NFKB1: variants seen among roughly 807,000 people sequenced by gnomAD.
The protein encoded by NFKB1 is nuclear factor NF-kappa-B p105 subunit.
NFKB1 carries 9 observed loss-of-function variants against 105.1 expected under a neutral mutation model. The observed-to-expected ratio is 0.09, with a 90% CI of 0.05 to 0.15. The LOEUF (loss-of-function observed/expected upper bound fraction) is 0.15. NFKB1 is among the 10% of genes least tolerant of loss of function. NFKB1 has a pLI of 1.00. For missense variants in NFKB1, 830 were observed against 1,203.7 expected (o/e 0.69, Z 4.59); for synonymous variants, 440 against 442.2 (o/e 1.00, Z 0.06).
intron 4 of NFKB1, among the ~76,000 whole-genome samples, chr4:102,534,404 T>C (rs1205020761): frequency 6.6e-6 from 1 of 152,174 alleles, no homozygotes; most frequent in Admixed American, 6.6e-5. Flanking sequence ...GAATGAACTA[T>C]TGAATTCTCT....
chr4:102,551,021 GATCA>G (rs1278979087), intron 5 of NFKB1, among the ~76,000 whole-genome samples: 1 of 152,150 alleles, frequency 6.6e-6, no homozygotes, highest in African/African-American at 2.4e-5. Flanking sequence ...AAACCAAAGG[GATCA>G]ATCAGAGCCT....
At chr4:102,502,369 C>A (rs1294170456) in intron 1 of NFKB1, among the ~76,000 whole-genome samples, 3 of 133,354 alleles carry the variant, frequency 2.2e-5, no homozygotes, top group Non-Finnish European at 3.1e-5. Flanking sequence ...CCCCTCCCCC[C>A]CTCCGTGCGC....
chr4:102,525,550 C>T lies in NFKB1; in HGVS notation c.32C>T (p.Pro11Leu). The stretch of plus-strand genomic sequence containing the variant: ...GAAGATGATCCATATTTGGGAAGGC[C>T]TGAACAAGTAAGTGTCATAATCTCA... MAEDDPYLGRPEQMFHLDPSL... is the reference protein window; with the variant it reads MAEDDPYLGRLEQMFHLDPSL... The change falls in exon 2 of 24, where the codon CCT becomes CTT. Residue 11 changes from proline to leucine, a missense_variant. By Grantham distance (98) the Pro-to-Leu change is moderately conservative (BLOSUM62 -3). This residue lies in a region of NFKB1 where 46 missense variants were observed against 48.3 expected (regional missense o/e 0.95). Coordinates refer to ENST00000226574, the MANE Select transcript of NFKB1 (RefSeq NM_003998.4). 6.2e-7 allele frequency: 1 copy of T among 1,612,892 alleles called. No homozygotes were observed. The highest frequency in any genetic ancestry group is 8.5e-7 in the Non-Finnish European group (1 of 1,179,286).
intron 8 of NFKB1, among the ~76,000 whole-genome samples, chr4:102,579,633 T>A (rs1725156161): frequency 1.3e-5 from 1 of 75,998 alleles, no homozygotes; most frequent in African/African-American, 9.7e-5. Context: ...TGAGACCCCA[T>A]CTCAAAAAAA....
chr4:102,602,492 T>A (rs1727254074), intron 16 of NFKB1, among the ~76,000 whole-genome samples: 2 of 148,928 alleles, frequency 1.3e-5, no homozygotes, highest in South Asian at 4.3e-4. Flanking sequence ...TGAGGCGAGA[T>A]CGCGCCACTG....
chr4:102,594,960 T>C lies in NFKB1; in HGVS notation c.1279T>C (p.Ser427Pro). ...TACTTTCCATCCTGGAACTACTAAA[T>C]CTAATGCTGGGATGAAGCATGGTAA... ...GITFHPGTTKSNAGMKHGTMD... is the reference protein window; with the variant it reads ...GITFHPGTTKPNAGMKHGTMD... Residue 427 changes from serine (S) to proline (P), a missense_variant, in exon 13 of 24, where the codon TCT becomes CCT. Physicochemically the swap from Ser to Pro is moderately conservative, Grantham distance 74. Around this residue, in one of 8 missense-constraint regions of NFKB1, gnomAD observed 163 missense variants for 164.3 expected, o/e 0.99. Coordinates refer to ENST00000226574, the MANE Select transcript of NFKB1 (RefSeq NM_003998.4). 6.2e-7 allele frequency: 1 copy of C among 1,609,442 alleles called. No homozygotes were observed. Among genetic ancestry groups the C allele is most frequent in the Non-Finnish European group, 8.5e-7 (1 of 1,176,724 alleles).
At position 102,597,543 on chromosome 4, in the gene NFKB1, A is replaced by G. The variant is rs4648072; in HGVS notation, c.1519A>G (p.Met507Val). 13,376 of 1,613,440 alleles carry G rather than the reference A, an allele frequency of 8.3e-3. 110 individuals are homozygous for G. Among genetic ancestry groups the G allele is most frequent in the African/African-American group, 0.045 (3,352 of 75,048 alleles). The change falls in exon 15 of 24, where the codon ATG (methionine) becomes GTG (valine). Residue 507 changes from methionine to valine, a missense_variant. Met to Val is a conservative substitution (Grantham distance 21). This residue lies in a region of NFKB1 where 418 missense variants were observed against 575.3 expected (regional missense o/e 0.73). Transcript: ENST00000226574. ...VQDNLFLEKAMQLAKRHANAL... is the reference protein window; with the variant it reads ...VQDNLFLEKAVQLAKRHANAL... ...AGATAACCTCTTTCTAGAGAAGGCTATGCAGCTTGCAAAGAGGCATGCCAA... is the reference window on the plus strand; with the variant it reads ...AGATAACCTCTTTCTAGAGAAGGCTGTGCAGCTTGCAAAGAGGCATGCCAA...
In NFKB1 at chr4:102,600,941, G is replaced by T; in HGVS notation, c.1684G>T (p.Asp562Tyr). ...IIHLHSQLVRDLLEVTSGLIS... is the reference protein window; with the variant it reads ...IIHLHSQLVRYLLEVTSGLIS... ...CCACCTTCATTCTCAACTTGTGAGG[G>T]ATCTACTAGAAGTCACATCTGGTTT... The change falls in exon 16 of 24, where the codon GAT becomes TAT. Residue 562 changes from aspartate to tyrosine, a missense_variant. By Grantham distance (160) the Asp-to-Tyr change is radical (BLOSUM62 -3). This residue lies in a region of NFKB1 where 418 missense variants were observed against 575.3 expected (regional missense o/e 0.73). Coordinates refer to ENST00000226574, the MANE Select transcript of NFKB1 (RefSeq NM_003998.4). The T allele has an allele frequency of 6.2e-7, 1 of 1,612,676 alleles. No homozygotes were observed. Among genetic ancestry groups the T allele is most frequent in the Non-Finnish European group, 8.5e-7 (1 of 1,178,762 alleles).
At chr4:102,613,787 T>G (rs1001060750) in intron 23 of NFKB1, among the ~76,000 whole-genome samples, 2 of 152,114 alleles carry the variant, frequency 1.3e-5, no homozygotes, top group Non-Finnish European at 2.9e-5. Context: ...AAAATCACAT[T>G]GACACATGAA....
chr4:102,612,259 T>C (rs1233247073), intron 21 of NFKB1, 149 bp downstream of exon 21: 11 of 956,958 alleles, frequency 1.1e-5, no homozygotes, highest in Non-Finnish European at 1.7e-5. Flanking sequence ...GAATATCCAG[T>C]TTTAATCTAC....
chr4:102,600,960 C>G lies in NFKB1; in HGVS notation c.1703C>G (p.Ser568Cys). The change falls in exon 16 of 24, where the codon TCT becomes TGT. Residue 568 changes from serine to cysteine, a missense_variant. Ser to Cys is a moderately radical substitution (Grantham distance 112). Transcript: ENST00000226574. ...QLVRDLLEVT[S>C]GLISDDIINM... ...GTGAGGGATCTACTAGAAGTCACATCTGGTTTGATTTCTGATGACATTATC... is the reference window on the plus strand; with the variant it reads ...GTGAGGGATCTACTAGAAGTCACATGTGGTTTGATTTCTGATGACATTATC... The G allele has an allele frequency of 6.2e-7, 1 of 1,612,948 alleles. No individual in the cohort carries two copies. The highest frequency in any genetic ancestry group is 8.5e-7 in the Non-Finnish European group (1 of 1,178,964).
At chr4:102,515,203 C>T (rs369732039) in intron 1 of NFKB1, among the ~76,000 whole-genome samples, 15 of 145,364 alleles carry the variant, frequency 1.0e-4, no homozygotes, top group African/African-American at 2.8e-4. Flanking sequence ...CTCCGCCTCC[C>T]GGGTTCACGC....
intron 16 of NFKB1, among the ~76,000 whole-genome samples, chr4:102,604,426 A>C (rs1727503192): frequency 6.6e-6 from 1 of 152,148 alleles, no homozygotes; most frequent in South Asian, 2.1e-4. Flanking sequence ...ACCTCAGAAC[A>C]GTGTCAAAAC....
At chr4:102,614,672 C>T (rs1305903559) in intron 23 of NFKB1, among the ~76,000 whole-genome samples, 2 of 152,120 alleles carry the variant, frequency 1.3e-5, no homozygotes, top group Non-Finnish European at 2.9e-5. Flanking sequence ...CTGGTCACCT[C>T]CTTTTCACCT....
chr4:102,562,392 T>G (rs937838862), intron 5 of NFKB1, among the ~76,000 whole-genome samples: 54 of 152,230 alleles, frequency 3.5e-4, no homozygotes, highest in African/African-American at 1.2e-3. Context: ...TCTTTAATTC[T>G]CCACAAGAAC....
Position 102,501,532 on chromosome 4 carries a change from A to AGCCGCCCGGCCAGTAAGGCGGCGCC in NFKB1, c.-251_-227dup, listed in dbSNP as rs913095553. ...CGGAGCCCAGCGCCGCCGAGGCCGC[A>AGCCGCCCGGCCAGTAAGGCGGCGCC]GCCGCCCGGCCAGTAAGGCGGCGCC... On this transcript the variant is annotated 5_prime_UTR_variant, in exon 1 of 24. Transcript: ENST00000226574. The AGCCGCCCGGCCAGTAAGGCGGCGCC allele has an allele frequency of 2.7e-5, 4 of 147,674 alleles. No homozygotes were observed. Among genetic ancestry groups the AGCCGCCCGGCCAGTAAGGCGGCGCC allele is most frequent in the Admixed American group, 6.7e-5 (1 of 14,868 alleles). The allele number at this position is 147,674 out of a possible 1,614,324, so 9.1% of individuals were successfully genotyped here.
At position 102,511,086 on chromosome 4, in the gene NFKB1, T is replaced by C. The variant is rs1739749806; in HGVS notation, c.-8+9298T>C. The C allele has an allele frequency of 3.5e-5, 17 of 487,394 alleles. No individual in the cohort carries two copies. In the South Asian group the frequency reaches 4.3e-4, roughly 12 times the overall value. The allele number at this position is 487,394 out of a possible 1,614,324, so 30.2% of individuals were successfully genotyped here. On this transcript the variant is annotated intron_variant, in intron 1 of 23. Transcript: ENST00000226574. ...TTCGTATAGTGTGATTTTTATTTTTTTATTATTTTTTCCTTCCTTTTTTTT... is the reference window on the plus strand; with the variant it reads ...TTCGTATAGTGTGATTTTTATTTTTCTATTATTTTTTCCTTCCTTTTTTTT...
At chr4:102,603,297 T>C (rs1011222071) in intron 16 of NFKB1, among the ~76,000 whole-genome samples, 19 of 152,124 alleles carry the variant, frequency 1.2e-4, no homozygotes, top group Admixed American at 2.6e-4. Context: ...GGTCTTGAAC[T>C]CCTGATCTCG....
In NFKB1 at chr4:102,502,400, A is replaced by G. The variant is rs1451134725; in HGVS notation, c.-8+612A>G. On this transcript the variant is annotated intron_variant, in intron 1 of 23. Transcript: ENST00000226574. ...TGCGCGCGCGCGCGCGCACACACAC[A>G]CACACACACACACACACACACACAC... 2.7e-3 allele frequency among the ~76,000 whole-genome samples: 363 copies of G among 136,198 alleles called. 7 individuals carry two copies. The highest frequency in any genetic ancestry group is 7.4e-3 in the African/African-American group (269 of 36,402). 89.4% of individuals were successfully genotyped at this position (136,198 alleles called of 152,430 possible).
Sources: allele counts gnomAD v4.1 joint callset (sites outside exome capture counted in the v4.1 genomes callset), GRCh38; gene constraint gnomAD v4.1.1; regional missense constraint gnomAD v4.1.1; transcripts MANE v1.5; gene names NCBI Gene and HGNC (gene_info 2026-07-23, HGNC 2026-07-21).